The following NAALADL2 variants were observed in gnomAD, a reference collection of about 807,000 sequenced individuals.
NAALADL2 encodes the protein inactive N-acetylated-alpha-linked acidic dipeptidase-like protein 2.
In NAALADL2, 76 loss-of-function variants were observed where a neutral mutation model predicts 87.2. That is an observed-to-expected ratio of 0.87 (90% confidence interval 0.72 to 1.05). The LOEUF is 1.05. Among genes scored for constraint, NAALADL2 ranks in the 50% least tolerant of loss-of-function variants. NAALADL2 has a pLI of 0.00. For missense variants in NAALADL2, 1,089 were observed against 945.8 expected, an observed-to-expected ratio of 1.15 and a Z score of -1.99; for synonymous variants, 354 against 331.0, an observed-to-expected ratio of 1.07 and a Z score of -0.75.
chr3:175,295,152 A>G (rs1183465822), intron 4 of NAALADL2, among the ~76,000 whole-genome samples: 2 of 152,194 alleles, frequency 1.3e-5, no homozygotes, highest in Non-Finnish European at 2.9e-5. Context: ...AGAAATTCAG[A>G]AATGAGATAA....
intron 1 of NAALADL2, among the ~76,000 whole-genome samples, chr3:174,931,166 C>T (rs1736837579): frequency 6.6e-6 from 1 of 152,080 alleles, no homozygotes; most frequent in Admixed American, 6.6e-5. Flanking sequence ...GCCTGTGTAC[C>T]ACCTAAAACC....
At position 175,799,999 on chromosome 3, in the gene NAALADL2, A is replaced by G. The variant is rs558824138; in HGVS notation, c.2190-3006A>G. ...ACAGGGGAATCTAACATTTCCTGGTACTGGATGATGAATCAATTTTATATT... is the reference window on the plus strand; with the variant it reads ...ACAGGGGAATCTAACATTTCCTGGTGCTGGATGATGAATCAATTTTATATT... On this transcript the variant is annotated intron_variant, in intron 13 of 13. Coordinates refer to ENST00000454872, the MANE Select transcript of NAALADL2 (RefSeq NM_207015.3). 4.6e-5 allele frequency among the ~76,000 whole-genome samples: 7 copies of G among 152,308 alleles called. No individual in the cohort carries two copies. The South Asian group carries it at 1.2e-3, about 27-fold the overall frequency.
chr3:175,385,788 A>C (rs1427724254), intron 5 of NAALADL2, among the ~76,000 whole-genome samples: 1 of 152,132 alleles, frequency 6.6e-6, no homozygotes, highest in Non-Finnish European at 1.5e-5. Context: ...GATTTAAAAA[A>C]TCCAAAAACA....
intron 10 of NAALADL2, chr3:175,581,167 C>T (rs775149579): frequency 2.9e-5 from 11 of 384,784 alleles, no homozygotes; most frequent in South Asian, 5.7e-5. Flanking sequence ...ATAGGCCGGA[C>T]GCGGTGGCTC....
intron 1 of NAALADL2, among the ~76,000 whole-genome samples, chr3:174,882,616 T>G (rs62637869): frequency 6.8e-6 from 1 of 146,518 alleles, no homozygotes; most frequent in Non-Finnish European, 1.5e-5. Context: ...TATATGTGCA[T>G]ATGCATATAT....
At chr3:175,026,792 G>T (rs1054999182) in intron 1 of NAALADL2, among the ~76,000 whole-genome samples, 1 of 152,078 alleles carries the variant, frequency 6.6e-6, no homozygotes, top group African/African-American at 2.4e-5. Flanking sequence ...CAGATCCAAG[G>T]CAGCCCACAT....
chr3:175,528,766 A>G (rs1056190244), intron 9 of NAALADL2, among the ~76,000 whole-genome samples: 2 of 152,250 alleles, frequency 1.3e-5, no homozygotes, highest in African/African-American at 4.8e-5. Flanking sequence ...TATGAAGTCA[A>G]TAAATCTTAT....
chr3:175,119,971 G>A (rs539002522), intron 2 of NAALADL2, among the ~76,000 whole-genome samples: 1 of 150,344 alleles, frequency 6.7e-6, no homozygotes, highest in Non-Finnish European at 1.5e-5. Context: ...GAGGGGAAAG[G>A]CCGGTGTTGT....
rs192771375 is a variant in NAALADL2, at chr3:175,810,041, T to C, written c.*6838T>C. 1.3e-5 allele frequency: 2 copies of C among 152,184 alleles called. No homozygotes were observed. Among genetic ancestry groups the C allele is most frequent in the Non-Finnish European group, 2.9e-5 (2 of 67,956 alleles). The allele number at this position is 152,184 out of a possible 1,614,324, so 9.4% of individuals were successfully genotyped here. On this transcript the variant is annotated 3_prime_UTR_variant, in exon 14 of 14. Coordinates refer to ENST00000454872, the MANE Select transcript of NAALADL2 (RefSeq NM_207015.3). ...TGGTGTTTAGCCTTGTTCAAAATGA[T>C]TTGATTATCATCTGGATTCAGAAAT...
chr3:174,981,940 G>A (rs79990479), intron 1 of NAALADL2, among the ~76,000 whole-genome samples: 13,456 of 152,048 alleles, frequency 0.088, 1,416 homozygotes, highest in African/African-American at 0.25. Context: ...CTTCCTTTAC[G>A]GACACTTTCT....
chr3:175,752,282 TAA>T (rs1350714394), intron 12 of NAALADL2, among the ~76,000 whole-genome samples: 1 of 152,058 alleles, frequency 6.6e-6, no homozygotes, highest in East Asian at 1.9e-4. Context: ...TAAAAGTATA[TAA>T]GTTAATTATT....
In NAALADL2 at chr3:174,600,897, G is replaced by A. The variant is rs114361746; in HGVS notation, c.-115+50260G>A. Among the ~76,000 whole-genome samples the A allele has an allele frequency of 3.1e-3, 472 of 152,092 alleles. 3 individuals are homozygous for A. Among genetic ancestry groups the A allele is most frequent in the African/African-American group, 0.011 (452 of 41,496 alleles). Reference sequence around the variant, plus strand: ...CCCACCAGGCCCCATCTCCAACACTGGATTACAATTCGACATGAGATTTGA... The same window carrying A: ...CCCACCAGGCCCCATCTCCAACACTAGATTACAATTCGACATGAGATTTGA... On this transcript the variant is annotated intron_variant, in intron 2 of 3. Coordinates refer to the NAALADL2 transcript ENST00000434257.
intron 1 of NAALADL2, among the ~76,000 whole-genome samples, chr3:175,022,058 G>C (rs4550829): frequency 0.16 from 23,919 of 151,790 alleles, 2,403 homozygotes; most frequent in East Asian, 0.26. Context: ...GGTACCTCCT[G>C]CTTCTCTCTT....
At chr3:175,718,755 G>A in intron 11 of NAALADL2, 1 of 971,676 alleles carries the variant, frequency 1.0e-6, no homozygotes, top group South Asian at 1.5e-5. Context: ...GCAAGACTCT[G>A]TCTCTACAAA....
At chr3:174,550,315 A>C (rs1212398349) in intron 1 of NAALADL2, among the ~76,000 whole-genome samples, 1 of 152,072 alleles carries the variant, frequency 6.6e-6, no homozygotes, top group Non-Finnish European at 1.5e-5. Context: ...AATAAAAAAT[A>C]TGGGGAAAAA....
chr3:174,757,683 T>C (rs1326781189), intron 3 of NAALADL2, among the ~76,000 whole-genome samples: 23 of 151,856 alleles, frequency 1.5e-4, no homozygotes. Context: ...TTTATTTTTT[T>C]TTGTAGAGAC....
At chr3:175,795,033 A>G (rs1487080514) in intron 13 of NAALADL2, among the ~76,000 whole-genome samples, 2 of 152,228 alleles carry the variant, frequency 1.3e-5, no homozygotes, top group East Asian at 1.9e-4. Context: ...CTTCCTCTTC[A>G]TATAAAGGCA....
At chr3:174,506,846 T>C (rs930934891) in intron 1 of NAALADL2, among the ~76,000 whole-genome samples, 4 of 151,952 alleles carry the variant, frequency 2.6e-5, no homozygotes, top group African/African-American at 9.7e-5. Flanking sequence ...TTTGTGAATA[T>C]CTTGGTTATA....
chr3:175,537,013 T>C (rs1734916116), intron 9 of NAALADL2, among the ~76,000 whole-genome samples: 1 of 152,200 alleles, frequency 6.6e-6, no homozygotes, highest in African/African-American at 2.4e-5. Flanking sequence ...GAATGTATTA[T>C]ATTTATTGAG....
Sources: allele counts gnomAD v4.1 joint callset (sites outside exome capture counted in the v4.1 genomes callset), GRCh38; gene constraint gnomAD v4.1.1; transcripts MANE v1.5; gene names NCBI Gene and HGNC (gene_info 2026-07-23, HGNC 2026-07-21).